Variants in VRK1 observed in about 807,000 individuals in gnomAD.
VRK1 encodes VRK serine/threonine kinase 1.
VRK1 carries 33 observed loss-of-function variants against 57.1 expected under a neutral mutation model. That is an observed-to-expected ratio of 0.58 (90% CI 0.44 to 0.77). The LOEUF (loss-of-function observed/expected upper bound fraction) is 0.77. Ranked by LOEUF, VRK1 falls within the 30% of genes least tolerant of loss-of-function variation. The probability of loss-of-function intolerance (pLI) is 0.00; values close to 1 mark genes in which losing one functional copy is unlikely to be tolerated. For synonymous variants in VRK1, 137 were observed against 147.8 expected, an observed-to-expected ratio of 0.93 and a Z score of 0.53; for missense variants, 413 against 477.3, an observed-to-expected ratio of 0.87 and a Z score of 1.25.
chr14:96,808,210 TG>T (rs758409443), intron 1 of VRK1, among the ~76,000 whole-genome samples: 15 of 152,130 alleles, frequency 9.9e-5, no homozygotes, highest in Non-Finnish European at 2.1e-4. Flanking sequence ...GGAGTGACTC[TG>T]TGTTAAGTAC....
At chr14:96,855,425 A>G (rs1277106101) in intron 8 of VRK1, 69 bp downstream of exon 8, 1 of 1,608,992 alleles carries the variant, frequency 6.2e-7, no homozygotes, top group Non-Finnish European at 8.5e-7. Flanking sequence ...CATAGTTCTT[A>G]ATTATGCATA....
intron 1 of VRK1, among the ~76,000 whole-genome samples, chr14:96,808,308 T>G (rs1210053047): frequency 2.0e-5 from 3 of 152,182 alleles, no homozygotes; most frequent in African/African-American, 7.2e-5. Context: ...TTTATGGAAC[T>G]GCCTAGTCAG....
chr14:96,806,147 A>G (rs1480462696), intron 1 of VRK1, among the ~76,000 whole-genome samples: 2 of 152,228 alleles, frequency 1.3e-5, no homozygotes, highest in Non-Finnish European at 1.5e-5. Flanking sequence ...ATAGGCAGCC[A>G]AGAAACCATG....
intron 1 of VRK1, among the ~76,000 whole-genome samples, chr14:96,819,147 A>G (rs115972141): frequency 0.011 from 1,676 of 152,344 alleles, 23 homozygotes; most frequent in South Asian, 0.056. Context: ...AGTTATACCA[A>G]AATATGTAAT....
chr14:96,859,942 C>CA (rs1046336308), intron 10 of VRK1, among the ~76,000 whole-genome samples: 6 of 152,178 alleles, frequency 3.9e-5, no homozygotes, highest in African/African-American at 1.4e-4. Context: ...GTCATTAGCT[C>CA]AAAAATGAAT....
chr14:96,821,848 C>G (rs1886610997), intron 1 of VRK1, among the ~76,000 whole-genome samples: 1 of 152,204 alleles, frequency 6.6e-6, no homozygotes, highest in Admixed American at 6.5e-5. Context: ...TCAGCTGCAC[C>G]AGTCCCCTTG....
intron 3 of VRK1, among the ~76,000 whole-genome samples, chr14:96,845,409 G>A (rs943694399): frequency 6.6e-5 from 10 of 152,142 alleles, no homozygotes; most frequent in Non-Finnish European, 1.5e-4. Flanking sequence ...TTTTGTGAAT[G>A]TATGTCTCTT....
At chr14:96,868,519 T>G (rs1362413456) in intron 11 of VRK1, among the ~76,000 whole-genome samples, 1 of 152,174 alleles carries the variant, frequency 6.6e-6, no homozygotes, top group Non-Finnish European at 1.5e-5. Context: ...TTTTAGACTT[T>G]ACATTGTAGC....
chr14:96,878,953 T>C lies in VRK1; in HGVS notation c.1160-2224T>C, dbSNP rs568218151. ...ACTTTCCCCCCTCCTGTTCATAAAATGGAGGCTACTTTTGTTGGTATTATT... is the reference window on the plus strand; with the variant it reads ...ACTTTCCCCCCTCCTGTTCATAAAACGGAGGCTACTTTTGTTGGTATTATT... On this transcript the variant is annotated intron_variant, in intron 12 of 12. Transcript: ENST00000216639. Among the ~76,000 whole-genome samples the C allele has an allele frequency of 3.2e-4, 48 of 152,298 alleles. No individual in the cohort carries two copies. In the East Asian group the frequency reaches 9.1e-3, roughly 29 times the overall value.
chr14:96,804,844 A>G (rs1885806438), intron 1 of VRK1, among the ~76,000 whole-genome samples: 2 of 152,348 alleles, frequency 1.3e-5, no homozygotes, highest in Non-Finnish European at 2.9e-5. Flanking sequence ...TATTTTCTAG[A>G]AGGCAGTGGT....
At chr14:96,881,120 C>A in intron 12 of VRK1, 57 bp from the exon 13 acceptor site, 2 of 1,384,146 alleles carry the variant, frequency 1.4e-6, no homozygotes, top group Non-Finnish European at 2.0e-6. Flanking sequence ...TATTTCTGTT[C>A]TTTTGCTTTT....
chr14:96,837,582 G>A (rs1887269921), intron 2 of VRK1, among the ~76,000 whole-genome samples, 180 bp from the exon 3 acceptor site: 1 of 152,088 alleles, frequency 6.6e-6, no homozygotes, highest in Admixed American at 6.6e-5. Flanking sequence ...TCTCAATTCA[G>A]ATATGTTAAA....
chr14:96,838,221 C>T (rs896313004), intron 3 of VRK1, among the ~76,000 whole-genome samples: 1 of 145,974 alleles, frequency 6.9e-6, no homozygotes, highest in African/African-American at 2.4e-5. Context: ...TCAATTTTTT[C>T]TGTTCCCAAT....
At chr14:96,827,326 G>A (rs1886837499) in intron 1 of VRK1, among the ~76,000 whole-genome samples, 1 of 152,172 alleles carries the variant, frequency 6.6e-6, no homozygotes, top group African/African-American at 2.4e-5. Context: ...AGTAGAAGGT[G>A]AGGAAGGGAT....
At chr14:96,842,591 T>C (rs1887508929) in intron 3 of VRK1, among the ~76,000 whole-genome samples, 1 of 152,246 alleles carries the variant, frequency 6.6e-6, no homozygotes, top group East Asian at 1.9e-4. Context: ...ATTTTATCAT[T>C]AGAGAAAAAA....
intron 11 of VRK1, 102 bp from the exon 12 acceptor site, chr14:96,875,927 CA>C (rs1889009759): frequency 1.6e-6 from 2 of 1,231,020 alleles, no homozygotes; most frequent in African/African-American, 3.0e-5. Flanking sequence ...GACACACCCA[CA>C]CCTATATACA....
chr14:96,818,116 C>CTT (rs1486292857), intron 1 of VRK1, among the ~76,000 whole-genome samples: 1 of 152,194 alleles, frequency 6.6e-6, no homozygotes, highest in East Asian at 1.9e-4. Flanking sequence ...ACAGTTAAGG[C>CTT]TTCAGGGAAT....
chr14:96,864,313 C>T (rs1200471647), intron 11 of VRK1, among the ~76,000 whole-genome samples: 1 of 152,076 alleles, frequency 6.6e-6, no homozygotes, highest in Non-Finnish European at 1.5e-5. Flanking sequence ...TAAACATCAC[C>T]CAGATCAAGA....
intron 1 of VRK1, among the ~76,000 whole-genome samples, chr14:96,829,296 ATATT>A (rs1423585398): frequency 4.0e-5 from 6 of 151,610 alleles, no homozygotes. Flanking sequence ...CCCTTGGTGA[ATATT>A]AATTATAGGA....
Sources: allele counts gnomAD v4.1 joint callset (sites outside exome capture counted in the v4.1 genomes callset), GRCh38; gene constraint gnomAD v4.1.1; transcripts MANE v1.5; gene names NCBI Gene and HGNC (gene_info 2026-07-23, HGNC 2026-07-21).